Variants in PCDHA9 observed in about 807,000 individuals in gnomAD.
PCDHA9 encodes the protein protocadherin alpha 9.
In PCDHA9, 62 loss-of-function variants were observed where a neutral mutation model predicts 62.0. The observed-to-expected ratio is 1.00, with a 90% confidence interval of 0.81 to 1.23. The LOEUF (loss-of-function observed/expected upper bound fraction) is 1.23, where lower values mean the gene tolerates loss of function less well. PCDHA9 is among the 50% of genes most tolerant of loss of function. The pLI, the probability that PCDHA9 is intolerant of heterozygous loss-of-function variation, is 0.00. For synonymous variants in PCDHA9, 557 were observed against 567.6 expected (o/e 0.98, Z 0.27); for missense variants, 1,205 against 1,249.8 (o/e 0.96, Z 0.54).
intron 1 of PCDHA9, among the ~76,000 whole-genome samples, chr5:140,941,977 A>G (rs1247578104): frequency 6.6e-6 from 1 of 152,154 alleles, no homozygotes; most frequent in Admixed American, 6.5e-5. Context: ...CTTTCCCTAA[A>G]CCTTGATAAG....
chr5:141,000,485 T>C (rs2097941579), intron 3 of PCDHA9, among the ~76,000 whole-genome samples: 2 of 135,980 alleles, frequency 1.5e-5, no homozygotes, highest in African/African-American at 5.5e-5. Flanking sequence ...TGGAGTGCAA[T>C]GGTAAGATCT....
rs782444703 is a variant in PCDHA9 at position 140,856,052 on chromosome 5, G to T, written c.2394+5163G>T. 12 of 1,585,178 alleles carry T rather than the reference G, an allele frequency of 7.6e-6. No individual in the cohort carries two copies. In the East Asian group the frequency reaches 2.5e-4, roughly 32 times the overall value. On this transcript the variant is annotated intron_variant, in intron 1 of 3. Transcript: ENST00000532602. The stretch of plus-strand genomic sequence containing the variant: ...TGTAAAACAAGAGAAGGATAAGATG[G>T]TTTCCAGATGTAGCTGCCTGGGGGT...
rs75203598 is a variant in PCDHA9, at chr5:140,915,428, C to T, written c.2395-63521C>T. 8.0e-3 allele frequency among the ~76,000 whole-genome samples: 1,217 copies of T among 152,162 alleles called. 6 individuals are homozygous for T. The highest frequency in any genetic ancestry group is 0.019 in the African/African-American group (786 of 41,514). On this transcript the variant is annotated intron_variant, in intron 1 of 3. Transcript: ENST00000532602. The stretch of plus-strand genomic sequence containing the variant: ...TCTTTGCAGTCTGGGCTTGTTTATC[C>T]CTGTCCTTCTTGAGAAGGTTTTCCA...
At chr5:140,915,825 C>T (rs1272581051) in intron 1 of PCDHA9, among the ~76,000 whole-genome samples, 1 of 152,118 alleles carries the variant, frequency 6.6e-6, no homozygotes, top group Non-Finnish European at 1.5e-5. Flanking sequence ...GGCCCTAGGG[C>T]TCTAAGATCA....
In PCDHA9 at chr5:140,850,260, G is replaced by T. The variant is rs2150476183; in HGVS notation, c.1765G>T (p.Val589Leu). The change falls in exon 1 of 4, where the codon GTA (valine) becomes TTA (leucine). Residue 589 changes from valine to leucine, a missense_variant. By Grantham distance (32) the Val-to-Leu change is conservative. This residue lies in a region of PCDHA9 where 887 missense variants were observed against 809.5 expected (regional missense o/e 1.10). Transcript: ENST00000532602. Reference sequence around the variant, plus strand: ...GGTGCTGCGGTCGGTGGGCGCCGGCGTAGTGGTGGGGAAGGTGCGCGCAGT... The same window carrying T: ...GGTGCTGCGGTCGGTGGGCGCCGGCTTAGTGGTGGGGAAGGTGCGCGCAGT... Reference protein sequence around the residue: ...EMVLRSVGAGVVVGKVRAVDA... With the variant: ...EMVLRSVGAGLVVGKVRAVDA... 1.2e-4 allele frequency: 186 copies of T among 1,594,256 alleles called. 15 individuals carry two copies. The highest frequency in any genetic ancestry group is 2.2e-4 in the Middle Eastern group (1 of 4,474).
intron 1 of PCDHA9, among the ~76,000 whole-genome samples, chr5:140,879,613 T>C (rs2058057940): frequency 6.6e-6 from 1 of 152,200 alleles, no homozygotes; most frequent in Non-Finnish European, 1.5e-5. Context: ...TGTGTCCAGG[T>C]ACTTAGGTGG....
chr5:140,970,157 C>T (rs2096386547), intron 1 of PCDHA9, among the ~76,000 whole-genome samples: 2 of 152,176 alleles, frequency 1.3e-5, no homozygotes, highest in African/African-American at 4.8e-5. Context: ...TCCCAATAGT[C>T]ACCTTTCTTG....
intron 1 of PCDHA9, chr5:140,875,198 G>A: frequency 7.2e-6 from 4 of 552,228 alleles, no homozygotes; most frequent in Non-Finnish European, 1.1e-5. Flanking sequence ...GACCCAGGAA[G>A]TGGCTAAACC....
In PCDHA9 at chr5:140,856,147, A is replaced by C. The variant is rs142037616; in HGVS notation, c.2394+5258A>C. Reference sequence around the variant, plus strand: ...TGGGGAGCGGCCAGCTCCACTACTCAGTCTACGAGGAGGCCAGACACGGCA... The same window carrying C: ...TGGGGAGCGGCCAGCTCCACTACTCCGTCTACGAGGAGGCCAGACACGGCA... On this transcript the variant is annotated intron_variant, in intron 1 of 3. Coordinates refer to ENST00000532602, the MANE Select transcript of PCDHA9 (RefSeq NM_031857.2). 34 of 1,598,116 alleles carry C rather than the reference A, an allele frequency of 2.1e-5. 2 individuals are homozygous for C. Among genetic ancestry groups the C allele is most frequent in the Middle Eastern group, 1.7e-4 (1 of 6,012 alleles).
chr5:140,856,690 T>A (rs1368181199), intron 1 of PCDHA9: 2 of 1,597,086 alleles, frequency 1.3e-6, no homozygotes, highest in East Asian at 2.2e-5. Context: ...TGACAGCAAC[T>A]GATGGAGGCA....
At chr5:140,909,523 C>G (rs1265179214) in intron 1 of PCDHA9, among the ~76,000 whole-genome samples, 1 of 152,172 alleles carries the variant, frequency 6.6e-6, no homozygotes, top group Non-Finnish European at 1.5e-5. Context: ...AACCCCTGCA[C>G]ATTTTGAGTC....
Position 140,849,937 on chromosome 5 carries a change from A to T in PCDHA9, c.1442A>T (p.Asp481Val), listed in dbSNP as rs1554143515. Residue 481 changes from aspartate to valine, a missense_variant, in exon 1 of 4, where the codon GAC becomes GTC. Transcript: ENST00000532602. ...GCHIFTVSAR[D>V]ADAQENALVS... ...CACATCTTCACGGTGTCTGCGCGGG[A>T]CGCTGACGCGCAGGAGAACGCCCTG... 1.9e-6 allele frequency: 3 copies of T among 1,598,056 alleles called. No individual in the cohort carries two copies. Among genetic ancestry groups the T allele is most frequent in the Non-Finnish European group, 2.6e-6 (3 of 1,167,770 alleles).
chr5:140,886,944 C>A (rs577897989), intron 1 of PCDHA9, among the ~76,000 whole-genome samples: 2 of 152,010 alleles, frequency 1.3e-5, no homozygotes, highest in African/African-American at 4.8e-5. Context: ...ATGTTCTACA[C>A]ATTAGACATT....
intron 1 of PCDHA9, among the ~76,000 whole-genome samples, chr5:140,965,088 G>A (rs1390840466): frequency 4.6e-5 from 7 of 152,196 alleles, no homozygotes; most frequent in Non-Finnish European, 8.8e-5. Context: ...CTTTGTTCCA[G>A]TCCATAGCTA....
chr5:140,869,014 T>C (rs929309556), intron 1 of PCDHA9: 5 of 1,524,414 alleles, frequency 3.3e-6, no homozygotes, highest in Admixed American at 2.2e-5. Flanking sequence ...TGAAACTTCT[T>C]AAGAATTCAA....
At chr5:140,857,595 T>C in intron 1 of PCDHA9, 2 of 1,595,942 alleles carry the variant, frequency 1.3e-6, no homozygotes, top group Non-Finnish European at 1.7e-6. Context: ...AGCGGCAAGG[T>C]GTACGCGCTG....
chr5:140,922,989 G>A (rs2081104632), intron 1 of PCDHA9, among the ~76,000 whole-genome samples: 1 of 152,214 alleles, frequency 6.6e-6, no homozygotes, highest in Non-Finnish European at 1.5e-5. Context: ...CAATAGGCAA[G>A]CCATGAGAAT....
chr5:140,981,694 A>C (rs1407083166), intron 2 of PCDHA9, among the ~76,000 whole-genome samples: 1 of 151,154 alleles, frequency 6.6e-6, no homozygotes, highest in Non-Finnish European at 1.5e-5. Context: ...TCCATCATTC[A>C]TTCATTCATT....
Position 140,848,403 on chromosome 5 carries a change from G to A in PCDHA9, c.-93G>A, listed in dbSNP as rs1052101954. On this transcript the variant is annotated 5_prime_UTR_variant, in exon 1 of 4. It removes an upstream start codon present in the reference 5' UTR. Transcript: ENST00000532602. ...TTTCACTCTCTCTGTGCTGAACGAT[G>A]GCGAACACAGCAGAATGGGACTGAC... 3.0e-6 allele frequency: 4 copies of A among 1,316,724 alleles called. No homozygotes were observed. The allele number at this position is 1,316,724 out of a possible 1,614,324, so 81.6% of individuals were successfully genotyped here.
Sources: gnomAD v4.1 joint callset for allele counts (sites outside exome capture counted in the v4.1 genomes callset) on GRCh38, gnomAD v4.1.1 for gene constraint, gnomAD v4.1.1 regional missense constraint, MANE v1.5 for transcripts, NCBI Gene and HGNC (gene_info 2026-07-23, HGNC 2026-07-21) for gene names.